SH2D2A: variants seen among roughly 807,000 people sequenced by gnomAD.
SH2D2A encodes SH2 domain containing 2A, also known as SH2 domain-containing protein 2A.
In SH2D2A, 33 loss-of-function variants were observed where a neutral mutation model predicts 43.6. That is an observed-to-expected ratio of 0.76 (90% CI 0.57 to 1.01). SH2D2A has a LOEUF of 1.01. Among genes scored for constraint, SH2D2A ranks in the 50% least tolerant of loss-of-function variants. SH2D2A has a pLI of 0.00. For missense variants in SH2D2A, 491 were observed against 503.1 expected (o/e 0.98, Z 0.23); for synonymous variants, 212 against 206.1 (o/e 1.03, Z -0.25).
chr1:156,816,755 T>C lies in SH2D2A; in HGVS notation c.-47A>G. The C allele has an allele frequency of 6.5e-7, 1 of 1,538,778 alleles. No individual in the cohort carries two copies. The highest frequency in any genetic ancestry group is 8.8e-7 in the Non-Finnish European group (1 of 1,141,778). On this transcript the variant is annotated 5_prime_UTR_variant, in exon 1 of 9. Coordinates refer to ENST00000368199, the MANE Select transcript of SH2D2A (RefSeq NM_003975.4). ...CCCAGAGCAGGGTGTGTGTATGTGT[T>C]CCGGAAAGGTGTGCACACTCAGCAA...
At chr1:156,810,309 G>A (rs1653322267) in intron 5 of SH2D2A, among the ~76,000 whole-genome samples, 1 of 152,194 alleles carries the variant, frequency 6.6e-6, no homozygotes, top group African/African-American at 2.4e-5. Context: ...TGCGTCTTAG[G>A]ATTACAGGCG....
chr1:156,815,507 G>A, intron 2 of SH2D2A: 6 of 594,240 alleles, frequency 1.0e-5, no homozygotes, highest in South Asian at 6.2e-5. Context: ...GGGAAAGGCA[G>A]CACAGCCTTC....
intron 1 of SH2D2A, 56 bp from the exon 2 acceptor site, chr1:156,816,150 T>C (rs1653907111): frequency 1.3e-6 from 2 of 1,551,762 alleles, no homozygotes; most frequent in Non-Finnish European, 1.7e-6. Flanking sequence ...TGTCTGTCTC[T>C]GCCTCCCACC....
chr1:156,812,324 G>A (rs1268279250), intron 5 of SH2D2A, among the ~76,000 whole-genome samples: 1 of 152,076 alleles, frequency 6.6e-6, no homozygotes, highest in African/African-American at 2.4e-5. Flanking sequence ...AACTTCAAAT[G>A]CATACAAGAG....
Position 156,807,269 on chromosome 1 carries a change from G to C in SH2D2A, c.1079C>G (p.Pro360Arg). 1 of 1,594,198 alleles carries C rather than the reference G, an allele frequency of 6.3e-7. No homozygotes were observed. Among genetic ancestry groups the C allele is most frequent in the Admixed American group, 1.7e-5 (1 of 57,632 alleles). ...QGPPLPHQPP[P>R]AWRHTLPHNL... ...GTGGGGGAGGGTGTGTCTCCAGGCGGGTGGGGGCTGGTGGGGCAGGGGAGG... is the reference window on the plus strand; with the variant it reads ...GTGGGGGAGGGTGTGTCTCCAGGCGCGTGGGGGCTGGTGGGGCAGGGGAGG... Residue 360 changes from proline to arginine, a missense_variant, in exon 8 of 9, where the codon CCC becomes CGC. Pro to Arg is a moderately radical substitution (Grantham distance 103). Transcript: ENST00000368199. The surrounding 1 kb of genome is among the most constrained non-coding windows in gnomAD (Gnocchi z 5.1).
chr1:156,807,052 G>A lies in SH2D2A; in HGVS notation c.*3+123C>T. 2.2e-6 allele frequency: 2 copies of A among 897,554 alleles called. No homozygotes were observed. The highest frequency in any genetic ancestry group is 4.0e-5 in the Admixed American group (2 of 50,246). The allele number at this position is 897,554 out of a possible 1,614,324, so 55.6% of individuals were successfully genotyped here. ...CATCCTTGCAATAGATGATGGCTGA[G>A]CTCCTTTCCAGCTTTGAACACCTAT... On this transcript the variant is annotated intron_variant, in intron 8 of 8. Coordinates refer to ENST00000368199, the MANE Select transcript of SH2D2A (RefSeq NM_003975.4). The surrounding 1 kb of genome is among the most constrained non-coding windows in gnomAD (Gnocchi z 5.1).
At chr1:156,814,851 C>G (rs1653738650) in intron 3 of SH2D2A, 186 bp downstream of exon 3, 2 of 465,058 alleles carry the variant, frequency 4.3e-6, no homozygotes, top group Non-Finnish European at 7.6e-6. Flanking sequence ...CTCCAATGAT[C>G]TCCCCTGGAG....
At chr1:156,814,386 C>T (rs1409347715) in intron 3 of SH2D2A, 92 bp from the exon 4 acceptor site, 5 of 1,535,828 alleles carry the variant, frequency 3.3e-6, no homozygotes, top group African/African-American at 2.7e-5. Flanking sequence ...CCCCTACCCC[C>T]AAGCAAGCAT....
In SH2D2A at chr1:156,814,582, G is replaced by C. The variant is rs78827012; in HGVS notation, c.309-288C>G. 3,580 of 491,064 alleles carry C rather than the reference G, an allele frequency of 7.3e-3. 177 individuals carry two copies. The East Asian group carries it at 0.1, about 14-fold the overall frequency. 30.4% of individuals were successfully genotyped at this position (491,064 alleles called of 1,614,324 possible). On this transcript the variant is annotated intron_variant, in intron 3 of 8. Transcript: ENST00000368199. ...GGCTGCTACTGCAGCTACAGGGATG[G>C]GAAAGTAGTTGGACTTCCAGATTTC...
chr1:156,811,599 C>G (rs1356321920), intron 5 of SH2D2A, among the ~76,000 whole-genome samples: 1 of 152,194 alleles, frequency 6.6e-6, no homozygotes, highest in Non-Finnish European at 1.5e-5. Context: ...CTTGTTTTAA[C>G]TGACCCAAAT....
In SH2D2A at chr1:156,809,855, G is replaced by T. The variant is rs368885518; in HGVS notation, c.568-48C>A. ...GAGGCACTCGGTGGAGCGTTGGGGT[G>T]GGGGAGGTGATCAGGAGGACAAAAT... On this transcript the variant is annotated intron_variant, in intron 5 of 8. Transcript: ENST00000368199. This position sits in a 1 kb window ranked among gnomAD's most constrained non-coding sequence, Gnocchi z 4.8. The T allele has an allele frequency of 3.0e-5, 48 of 1,601,886 alleles. No individual in the cohort carries two copies. Among genetic ancestry groups the T allele is most frequent in the African/African-American group, 4.1e-5 (3 of 74,048 alleles).
At chr1:156,814,666 A>G (rs1213180077) in intron 3 of SH2D2A, 1 of 390,876 alleles carries the variant, frequency 2.6e-6, no homozygotes. Context: ...GAGGCTGAGA[A>G]ATGGAGGAGG....
At chr1:156,815,947 TGGGAG>T (rs1254470707) in intron 2 of SH2D2A, 54 bp downstream of exon 2, 138 of 1,587,876 alleles carry the variant, frequency 8.7e-5, no homozygotes, top group Non-Finnish European at 1.1e-4. Context: ...TCCTTCCCCA[TGGGAG>T]GGTGGGAGAG....
intron 3 of SH2D2A, 198 bp from the exon 4 acceptor site, chr1:156,814,492 A>C: frequency 9.5e-7 from 1 of 1,051,166 alleles, no homozygotes; most frequent in Non-Finnish European, 1.3e-6. Context: ...GACAGGGGCC[A>C]GGGGTCCCAT....
rs1219915554 is a variant in SH2D2A at position 156,814,334 on chromosome 1, C to T, written c.309-40G>A. ...GAGAGGGGGCCGAACCCTGCTCTGACACTTCCAGCCTCGCCTCTGTCTCCC... is the reference window on the plus strand; with the variant it reads ...GAGAGGGGGCCGAACCCTGCTCTGATACTTCCAGCCTCGCCTCTGTCTCCC... On this transcript the variant is annotated intron_variant, in intron 3 of 8. Transcript: ENST00000368199. 5.6e-6 allele frequency: 9 copies of T among 1,596,842 alleles called. No individual in the cohort carries two copies. In the East Asian group the frequency reaches 2.1e-4, roughly 37 times the overall value.
At chr1:156,814,754 A>G (rs1172340441) in intron 3 of SH2D2A, 3 of 419,654 alleles carry the variant, frequency 7.1e-6, no homozygotes, top group Non-Finnish European at 1.3e-5. Context: ...GAGGTGGAAA[A>G]TACCAGCATT....
Position 156,816,736 on chromosome 1 carries a change from G to A in SH2D2A, c.-28C>T. 1 of 1,586,528 alleles carries A rather than the reference G, an allele frequency of 6.3e-7. No individual in the cohort carries two copies. Among genetic ancestry groups the A allele is most frequent in the Non-Finnish European group, 8.6e-7 (1 of 1,166,076 alleles). On this transcript the variant is annotated 5_prime_UTR_variant, in exon 1 of 9. Transcript: ENST00000368199. ...GGGCAGCCTCACAAGGGATCCCAGAGCAGGGTGTGTGTATGTGTTCCGGAA... is the reference window on the plus strand; with the variant it reads ...GGGCAGCCTCACAAGGGATCCCAGAACAGGGTGTGTGTATGTGTTCCGGAA...
At chr1:156,813,502 C>T (rs1020948653) in intron 5 of SH2D2A, among the ~76,000 whole-genome samples, 2 of 152,094 alleles carry the variant, frequency 1.3e-5, no homozygotes, top group East Asian at 1.9e-4. Flanking sequence ...GAGAAGATCG[C>T]GCCACTGCAC....
chr1:156,816,183 C>G (rs897968813), intron 1 of SH2D2A, 89 bp from the exon 2 acceptor site: 16 of 1,497,630 alleles, frequency 1.1e-5, no homozygotes, highest in Non-Finnish European at 1.4e-5. Context: ...CTCAGGGGAT[C>G]TGGAGGGCTG....
Sources: allele counts gnomAD v4.1 joint callset (sites outside exome capture counted in the v4.1 genomes callset), GRCh38; gene constraint gnomAD v4.1.1; non-coding constraint Gnocchi (gnomAD v3.1); transcripts MANE v1.5; gene names NCBI Gene and HGNC (gene_info 2026-07-23, HGNC 2026-07-21).